GRIP1: variants seen among roughly 807,000 people sequenced by gnomAD.
GRIP1 encodes the protein glutamate receptor interacting protein 1, also known as glutamate receptor-interacting protein 1.
Under a neutral mutation model 129.9 loss-of-function variants are expected in GRIP1, and 45 were observed. The observed-to-expected ratio is 0.35, with a 90% confidence interval of 0.27 to 0.44. GRIP1 has a LOEUF of 0.44. GRIP1 is among the 20% of genes least tolerant of loss of function. The pLI is 1.00. For synonymous variants in GRIP1, 530 were observed against 520.8 expected (o/e 1.02, Z -0.24); for missense variants, 1,196 against 1,396.8 (o/e 0.86, Z 2.29).
At chr12:66,536,982 C>T (rs1384930847) in intron 4 of GRIP1, among the ~76,000 whole-genome samples, 1 of 151,986 alleles carries the variant, frequency 6.6e-6, no homozygotes, top group Non-Finnish European at 1.5e-5. Context: ...AAACACTGGG[C>T]AGCAGTCATA....
At chr12:66,932,213 G>C (rs992946774) in intron 1 of GRIP1, among the ~76,000 whole-genome samples, 2 of 152,138 alleles carry the variant, frequency 1.3e-5, no homozygotes, top group Admixed American at 6.5e-5. Flanking sequence ...AGTGTATCAT[G>C]TATCTCAGTT....
chr12:66,776,375 T>C (rs1024223767), intron 1 of GRIP1, among the ~76,000 whole-genome samples: 1 of 152,236 alleles, frequency 6.6e-6, no homozygotes, highest in Non-Finnish European at 1.5e-5. Flanking sequence ...TACGTACTTG[T>C]TCTCAGCTAG....
chr12:66,730,538 AG>A (rs2036399868), intron 1 of GRIP1, among the ~76,000 whole-genome samples: 1 of 152,154 alleles, frequency 6.6e-6, no homozygotes, highest in Admixed American at 6.5e-5. Flanking sequence ...TGTCCAAAAA[AG>A]CTCAAATTTC....
intron 1 of GRIP1, among the ~76,000 whole-genome samples, chr12:66,660,364 T>A (rs564906983): frequency 9.9e-5 from 15 of 152,272 alleles, no homozygotes; most frequent in African/African-American, 3.6e-4. Flanking sequence ...ATCAGATTGT[T>A]CTTATGTCAT....
In GRIP1 at chr12:66,617,415, A is replaced by G. The variant is rs180946855; in HGVS notation, c.56-20488T>C. 2.4e-3 allele frequency among the ~76,000 whole-genome samples: 369 copies of G among 152,272 alleles called. 2 individuals carry two copies. The highest frequency in any genetic ancestry group is 8.6e-3 in the African/African-American group (358 of 41,564). On this transcript the variant is annotated intron_variant, in intron 1 of 24. Coordinates refer to ENST00000359742, the MANE Select transcript of GRIP1 (RefSeq NM_001366722.1). ...GTTTTTACAAGAATGATGTTTAATC[A>G]AAGCTAATGATATCAGCGAACTTGA...
intron 1 of GRIP1, among the ~76,000 whole-genome samples, chr12:66,815,290 GT>G (rs2039186030): frequency 6.6e-6 from 1 of 152,076 alleles, no homozygotes; most frequent in East Asian, 1.9e-4. Flanking sequence ...CTGGGGAAGA[GT>G]TTTTTCCAAA....
chr12:66,708,318 T>C (rs994646350), intron 1 of GRIP1, among the ~76,000 whole-genome samples: 3 of 151,860 alleles, frequency 2.0e-5, no homozygotes, highest in Admixed American at 6.6e-5. Context: ...TAATAAAAAC[T>C]TAAAGAAAAA....
intron 1 of GRIP1, among the ~76,000 whole-genome samples, chr12:66,780,065 T>C (rs2038106329): frequency 6.6e-6 from 1 of 152,052 alleles, no homozygotes; most frequent in Admixed American, 6.6e-5. Context: ...ATGTTGGTGG[T>C]AGTGGCAGCA....
At chr12:66,726,069 G>C (rs745981623) in intron 1 of GRIP1, among the ~76,000 whole-genome samples, 18 of 152,174 alleles carry the variant, frequency 1.2e-4, no homozygotes, top group Non-Finnish European at 2.2e-4. Context: ...TATTGGTAGA[G>C]AGGTGTGCAC....
At chr12:66,964,193 A>G (rs2041963548) in intron 1 of GRIP1, among the ~76,000 whole-genome samples, 1 of 152,124 alleles carries the variant, frequency 6.6e-6, no homozygotes, top group Admixed American at 6.6e-5. Context: ...CAGTTTACTC[A>G]TTTATTTATT....
intron 1 of GRIP1, among the ~76,000 whole-genome samples, chr12:66,932,411 C>A (rs192995572): frequency 1.3e-5 from 2 of 152,256 alleles, no homozygotes; most frequent in Non-Finnish European, 2.9e-5. Context: ...TCCTAACCTG[C>A]AAAGAAATCA....
At chr12:66,571,813 T>C (rs2062969469) in intron 2 of GRIP1, among the ~76,000 whole-genome samples, 1 of 152,202 alleles carries the variant, frequency 6.6e-6, no homozygotes, top group Non-Finnish European at 1.5e-5. Context: ...GTTACTAGCA[T>C]GACTGTCCTC....
intron 1 of GRIP1, among the ~76,000 whole-genome samples, chr12:66,881,913 T>C (rs1236942981): frequency 6.6e-6 from 1 of 152,210 alleles, no homozygotes; most frequent in Non-Finnish European, 1.5e-5. Flanking sequence ...TTTAATAGAA[T>C]GCCTGGTACA....
At chr12:66,760,129 C>T (rs1028160734) in intron 1 of GRIP1, among the ~76,000 whole-genome samples, 4 of 152,142 alleles carry the variant, frequency 2.6e-5, no homozygotes, top group Non-Finnish European at 4.4e-5. Flanking sequence ...GCTGGGATTA[C>T]AGGTGTGAGC....
intron 13 of GRIP1, among the ~76,000 whole-genome samples, chr12:66,432,944 T>C (rs1377795505): frequency 6.6e-6 from 1 of 152,184 alleles, no homozygotes; most frequent in Non-Finnish European, 1.5e-5. Flanking sequence ...TTCCAATCTA[T>C]GAATCAGAAT....
intron 1 of GRIP1, among the ~76,000 whole-genome samples, chr12:66,846,952 G>C (rs1010613059): frequency 3.3e-5 from 5 of 152,154 alleles, no homozygotes; most frequent in Non-Finnish European, 5.9e-5. Context: ...CTGGAGCATA[G>C]TGGCTTCCCT....
intron 1 of GRIP1, among the ~76,000 whole-genome samples, chr12:66,661,483 GA>G (rs2033505160): frequency 6.9e-6 from 1 of 145,624 alleles, no homozygotes; most frequent in South Asian, 2.2e-4. Context: ...AGGTGGAGGG[GA>G]GATGGGAAAA....
intron 1 of GRIP1, among the ~76,000 whole-genome samples, chr12:66,861,330 C>T (rs896840766): frequency 6.6e-6 from 1 of 152,084 alleles, no homozygotes; most frequent in Non-Finnish European, 1.5e-5. Flanking sequence ...ATCTGGTTAC[C>T]ACACAGTGCC....
intron 1 of GRIP1, among the ~76,000 whole-genome samples, chr12:67,026,714 T>C (rs920777647): frequency 6.6e-6 from 1 of 152,184 alleles, no homozygotes; most frequent in Non-Finnish European, 1.5e-5. Context: ...ATTTCTAAGA[T>C]GATCTCATAT....
Sources: allele counts gnomAD v4.1 joint callset (sites outside exome capture counted in the v4.1 genomes callset), GRCh38; gene constraint gnomAD v4.1.1; transcripts MANE v1.5; gene names NCBI Gene and HGNC (gene_info 2026-07-23, HGNC 2026-07-21).